The following MACROD2 variants were observed in gnomAD, a reference collection of about 807,000 sequenced individuals.
The protein encoded by MACROD2 is ADP-ribose glycohydrolase MACROD2.
MACROD2 carries 36 observed loss-of-function variants against 70.4 expected under a neutral mutation model. The ratio of observed to expected loss-of-function variants is 0.51; its 90% CI spans 0.39 to 0.68. The LOEUF is 0.68. MACROD2 is among the 30% of genes least tolerant of loss of function. The pLI, the probability that MACROD2 is intolerant of heterozygous loss-of-function variation, is 0.00. For missense variants in MACROD2, 496 were observed against 538.4 expected (o/e 0.92, Z 0.78); for synonymous variants, 172 against 178.8 (o/e 0.96, Z 0.30).
chr20:14,001,177 C>G (rs1025896447), intron 1 of MACROD2, among the ~76,000 whole-genome samples: 2 of 152,114 alleles, frequency 1.3e-5, no homozygotes, highest in Non-Finnish European at 2.9e-5. Context: ...TTCCTGAAAC[C>G]TCTCTTGCTT....
chr20:14,274,737 T>C (rs1216413501), intron 3 of MACROD2, among the ~76,000 whole-genome samples: 1 of 152,094 alleles, frequency 6.6e-6, no homozygotes, highest in African/African-American at 2.4e-5. Context: ...TGATTGTATA[T>C]GTAGAAAACC....
chr20:14,901,990 T>C (rs1238262624), intron 5 of MACROD2, among the ~76,000 whole-genome samples: 1 of 152,290 alleles, frequency 6.6e-6, no homozygotes, highest in African/African-American at 2.4e-5. Flanking sequence ...ATTTATACAG[T>C]GGAACTTACT....
At chr20:15,326,310 A>G (rs1417902825) in intron 6 of MACROD2, among the ~76,000 whole-genome samples, 6 of 152,126 alleles carry the variant, frequency 3.9e-5, no homozygotes, top group Non-Finnish European at 8.8e-5. Flanking sequence ...AGCTTTACAT[A>G]CAGCCCCCTT....
chr20:14,491,989 A>G (rs925964267), intron 3 of MACROD2, among the ~76,000 whole-genome samples: 12 of 152,170 alleles, frequency 7.9e-5, no homozygotes, highest in African/African-American at 1.9e-4. Flanking sequence ...GGTTTAGCCT[A>G]CAGACATGGG....
intron 3 of MACROD2, among the ~76,000 whole-genome samples, chr20:14,394,227 A>G (rs1196609509): frequency 1.3e-5 from 2 of 152,186 alleles, no homozygotes; most frequent in East Asian, 3.8e-4. Context: ...TGAGTTATCA[A>G]GCCTTTCAAC....
chr20:14,100,504 A>G (rs1180677200), intron 3 of MACROD2, among the ~76,000 whole-genome samples: 2 of 149,178 alleles, frequency 1.3e-5, no homozygotes, highest in Admixed American at 1.3e-4. Context: ...AAAATATAGA[A>G]TAGTATAAAG....
At chr20:14,707,066 G>T (rs559444419) in intron 5 of MACROD2, among the ~76,000 whole-genome samples, 1 of 152,230 alleles carries the variant, frequency 6.6e-6, no homozygotes, top group East Asian at 1.9e-4. Flanking sequence ...GGGTTGTCAG[G>T]ATTGAAAGAA....
At chr20:15,284,593 T>A (rs1254773470) in intron 6 of MACROD2, among the ~76,000 whole-genome samples, 1 of 152,208 alleles carries the variant, frequency 6.6e-6, no homozygotes, top group Non-Finnish European at 1.5e-5. Flanking sequence ...TTTTTGGGTC[T>A]GGGATGAAAT....
intron 3 of MACROD2, among the ~76,000 whole-genome samples, chr20:14,417,638 A>T (rs2083824675): frequency 6.6e-6 from 1 of 152,166 alleles, no homozygotes; most frequent in Non-Finnish European, 1.5e-5. Context: ...TTTGTGTAGG[A>T]TATTAGACAA....
chr20:15,172,064 AAAGACCTAAGCTC>A (rs1201112407), intron 5 of MACROD2, among the ~76,000 whole-genome samples: 1 of 152,210 alleles, frequency 6.6e-6, no homozygotes, highest in African/African-American at 2.4e-5. Flanking sequence ...TTTTTTCTTA[AAAGACCTAAGCTC>A]AAGATGGTTT....
chr20:14,535,029 T>TA (rs1327984740), intron 4 of MACROD2, among the ~76,000 whole-genome samples: 1 of 152,200 alleles, frequency 6.6e-6, no homozygotes, highest in Non-Finnish European at 1.5e-5. Flanking sequence ...GATCCAAGCA[T>TA]AAAAAACGAT....
chr20:14,367,035 C>A (rs1373927718), intron 3 of MACROD2, among the ~76,000 whole-genome samples: 1 of 151,894 alleles, frequency 6.6e-6, no homozygotes, highest in African/African-American at 2.4e-5. Context: ...TTTTTTGATC[C>A]CTTTTCCATT....
At chr20:14,203,114 G>A (rs759000436) in intron 3 of MACROD2, among the ~76,000 whole-genome samples, 13 of 150,580 alleles carry the variant, frequency 8.6e-5, no homozygotes, top group Non-Finnish European at 1.8e-4. Flanking sequence ...GTGTGTGACT[G>A]TGTTATTTCA....
At chr20:14,070,444 A>G (rs1431420859) in intron 2 of MACROD2, among the ~76,000 whole-genome samples, 1 of 152,124 alleles carries the variant, frequency 6.6e-6, no homozygotes. Context: ...GGATTCCTCT[A>G]GTTCCCTGAT....
intron 7 of MACROD2, among the ~76,000 whole-genome samples, chr20:15,457,949 GAA>G (rs552514425): frequency 7.3e-5 from 8 of 108,950 alleles, no homozygotes; most frequent in Admixed American, 9.3e-5. Context: ...CACCTTAAAT[GAA>G]AAAAAAAAAA....
At chr20:14,322,008 G>A (rs2082665337) in intron 3 of MACROD2, among the ~76,000 whole-genome samples, 1 of 150,496 alleles carries the variant, frequency 6.6e-6, no homozygotes. Flanking sequence ...TTTTGTTAAA[G>A]TTATATGCTA....
In MACROD2 at chr20:15,786,498, C is replaced by G. The variant is rs549954985; in HGVS notation, c.646-76247C>G. ...TGTGATGCTTGATGTATTATAGTAT[C>G]TGATGCCAGAAGATAGTTGGCTATT... On this transcript the variant is annotated intron_variant, in intron 8 of 17. Transcript: ENST00000684519. Among the ~76,000 whole-genome samples the G allele has an allele frequency of 5.9e-5, 9 of 152,292 alleles. No homozygotes were observed. In the South Asian group the frequency reaches 1.9e-3, roughly 32 times the overall value.
chr20:15,302,003 C>A (rs1047052426), intron 6 of MACROD2, among the ~76,000 whole-genome samples: 1 of 152,140 alleles, frequency 6.6e-6, no homozygotes, highest in African/African-American at 2.4e-5. Flanking sequence ...ACTAGCTCCT[C>A]TTTCTCCAGC....
chr20:14,160,349 C>T (rs888185491), intron 3 of MACROD2, among the ~76,000 whole-genome samples: 4 of 152,106 alleles, frequency 2.6e-5, no homozygotes, highest in Non-Finnish European at 5.9e-5. Context: ...GCCATTTGGT[C>T]CCGGACTTTT....
Sources: allele counts gnomAD v4.1 joint callset (sites outside exome capture counted in the v4.1 genomes callset), GRCh38; gene constraint gnomAD v4.1.1; transcripts MANE v1.5; gene names NCBI Gene and HGNC (gene_info 2026-07-23, HGNC 2026-07-21).